The following CCDC192 variants were observed in gnomAD, a reference collection of about 807,000 sequenced individuals.
CCDC192 encodes the protein coiled-coil domain containing 192.
In CCDC192 at chr5:127,816,981, C is replaced by A. The variant is rs191236784; in HGVS notation, c.411+18819C>A. Among the ~76,000 whole-genome samples, 496 of 152,252 alleles carry A rather than the reference C, an allele frequency of 3.3e-3. 1 individual carries two copies. The highest frequency in any genetic ancestry group is 0.011 in the African/African-American group (463 of 41,560). ...TGCTATTTGTTTCTTTAAACCTTGT[C>A]CTTCAATATATCTGGATTTAAATTT... On this transcript the variant is annotated intron_variant, in intron 5 of 6. Transcript: ENST00000514853.
Position 127,932,153 on chromosome 5 carries a change from C to CAAA in CCDC192, c.536-9014_536-9012dup, listed in dbSNP as rs571133232. Among the ~76,000 whole-genome samples, 376 of 72,270 alleles carry CAAA rather than the reference C, an allele frequency of 5.2e-3. 4 individuals are homozygous for CAAA. The highest frequency in any genetic ancestry group is 0.015 in the African/African-American group (327 of 22,526). 47.4% of individuals were successfully genotyped at this position (72,270 alleles called of 152,430 possible). ...TGGGCAACAGAGTGAGACTCCGTCT[C>CAAA]AAAAAAAAAAAAAAAAAGTAAACTC... On this transcript the variant is annotated intron_variant, in intron 6 of 6. Coordinates refer to ENST00000514853, the MANE Select transcript of CCDC192 (RefSeq NM_001317938.2).
chr5:127,750,267 C>T (rs1176454659), intron 2 of CCDC192, among the ~76,000 whole-genome samples: 1 of 152,100 alleles, frequency 6.6e-6, no homozygotes, highest in Non-Finnish European at 1.5e-5. Flanking sequence ...ATAAATTTCC[C>T]TCTACACACT....
At chr5:127,749,367 T>G (rs992599847) in intron 2 of CCDC192, among the ~76,000 whole-genome samples, 9 of 152,214 alleles carry the variant, frequency 5.9e-5, no homozygotes, top group Non-Finnish European at 1.3e-4. Flanking sequence ...TCTATTGAGA[T>G]AATCATGTGG....
At chr5:127,925,854 G>C (rs1013173695) in intron 6 of CCDC192, among the ~76,000 whole-genome samples, 1 of 152,144 alleles carries the variant, frequency 6.6e-6, no homozygotes, top group African/African-American at 2.4e-5. Context: ...ATGTCCAAGT[G>C]CTCAGGCATG....
intron 5 of CCDC192, among the ~76,000 whole-genome samples, chr5:127,812,829 A>G (rs1212536970): frequency 6.6e-6 from 1 of 152,164 alleles, no homozygotes; most frequent in African/African-American, 2.4e-5. Context: ...ACTGAAAAAG[A>G]CAATCTTTGA....
chr5:127,885,336 C>T (rs900959393), intron 6 of CCDC192, among the ~76,000 whole-genome samples: 1 of 152,158 alleles, frequency 6.6e-6, no homozygotes, highest in Non-Finnish European at 1.5e-5. Context: ...ATACTTCCTT[C>T]CAGGATATTT....
chr5:127,752,803 T>A (rs1004368567), intron 2 of CCDC192, among the ~76,000 whole-genome samples: 26 of 152,160 alleles, frequency 1.7e-4, no homozygotes, highest in African/African-American at 6.3e-4. Flanking sequence ...AGGTGCGAGA[T>A]ATAATCTCGT....
At chr5:127,918,921 A>C (rs13153745) in intron 6 of CCDC192, among the ~76,000 whole-genome samples, 1 of 150,532 alleles carries the variant, frequency 6.6e-6, no homozygotes, top group Non-Finnish European at 1.5e-5. Flanking sequence ...ATATGTGTGT[A>C]TATGTGTGTC....
chr5:127,914,548 A>G (rs1753463438), intron 6 of CCDC192, among the ~76,000 whole-genome samples: 1 of 152,196 alleles, frequency 6.6e-6, no homozygotes, highest in Non-Finnish European at 1.5e-5. Context: ...AATTTTCCAG[A>G]GGATTTAAAA....
At chr5:127,760,657 G>A (rs551814295) in intron 3 of CCDC192, among the ~76,000 whole-genome samples, 5 of 141,684 alleles carry the variant, frequency 3.5e-5, no homozygotes, top group Non-Finnish European at 7.5e-5. Flanking sequence ...GGCTGAGATC[G>A]CGCCACTGCA....
At chr5:127,797,301 G>A (rs1480978616) in intron 4 of CCDC192, 67 bp downstream of exon 4, 1 of 389,236 alleles carries the variant, frequency 2.6e-6, no homozygotes, top group Non-Finnish European at 4.5e-6. Context: ...TGACAATCCT[G>A]GAAAGCCATT....
At chr5:127,733,305 G>A (rs144705803) in intron 2 of CCDC192, among the ~76,000 whole-genome samples, 42 of 152,144 alleles carry the variant, frequency 2.8e-4, no homozygotes, top group African/African-American at 1.0e-3. Flanking sequence ...ACAGCTTGAT[G>A]AGAGAATTTT....
intron 2 of CCDC192, among the ~76,000 whole-genome samples, chr5:127,716,738 G>C (rs1016654854): frequency 1.3e-5 from 2 of 152,096 alleles, no homozygotes; most frequent in African/African-American, 4.8e-5. Context: ...TTCTTCATAG[G>C]ATTAACCTTC....
At chr5:127,926,011 C>T (rs1035255006) in intron 6 of CCDC192, among the ~76,000 whole-genome samples, 6 of 151,834 alleles carry the variant, frequency 4.0e-5, no homozygotes, top group Admixed American at 3.9e-4. Context: ...AGTTCAGCCA[C>T]GTGGTGGAAG....
At chr5:127,848,088 T>A in intron 5 of CCDC192, among the ~76,000 whole-genome samples, 1 of 151,946 alleles carries the variant, frequency 6.6e-6, no homozygotes, top group Non-Finnish European at 1.5e-5. Context: ...ATTTTTTTTT[T>A]AATCTCTATG....
chr5:127,856,315 T>C (rs1043295440), intron 5 of CCDC192, among the ~76,000 whole-genome samples: 8 of 152,234 alleles, frequency 5.3e-5, no homozygotes, highest in African/African-American at 1.7e-4. Context: ...CTCTGCAGCT[T>C]TCTTACTCTC....
At chr5:127,784,430 T>A (rs1190432563) in intron 3 of CCDC192, among the ~76,000 whole-genome samples, 2 of 152,190 alleles carry the variant, frequency 1.3e-5, no homozygotes, top group Non-Finnish European at 2.9e-5. Context: ...TTTACAGACA[T>A]GAAATGTATC....
chr5:127,927,705 T>C (rs1753901398), intron 6 of CCDC192, among the ~76,000 whole-genome samples: 1 of 152,220 alleles, frequency 6.6e-6, no homozygotes, highest in African/African-American at 2.4e-5. Context: ...GGGTCTGTAA[T>C]CCAGATCTCT....
chr5:127,864,095 G>A (rs919247641), intron 5 of CCDC192, among the ~76,000 whole-genome samples: 16 of 152,080 alleles, frequency 1.1e-4, no homozygotes, highest in East Asian at 3.8e-4. Flanking sequence ...GGTCATTGTC[G>A]CTCCCACTAT....
Sources: gnomAD v4.1 joint callset for allele counts (sites outside exome capture counted in the v4.1 genomes callset) on GRCh38, gnomAD v4.1.1 for gene constraint, MANE v1.5 for transcripts, NCBI Gene and HGNC (gene_info 2026-07-23, HGNC 2026-07-21) for gene names.